SRGAP2C: variants seen among roughly 807,000 people sequenced by gnomAD.
The protein encoded by SRGAP2C is SLIT-ROBO Rho GTPase-activating protein 2C.
In SRGAP2C, 15 loss-of-function variants were observed where a neutral mutation model predicts 25.1. The ratio of observed to expected loss-of-function variants is 0.60; its 90% CI spans 0.40 to 0.92. SRGAP2C has a LOEUF of 0.92. Ranked by LOEUF, SRGAP2C falls within the 40% of genes least tolerant of loss-of-function variation. The probability of loss-of-function intolerance (pLI) is 0.00; values close to 1 mark genes in which losing one functional copy is unlikely to be tolerated. For missense variants in SRGAP2C, 144 were observed against 264.4 expected (o/e 0.54, Z 3.16); for synonymous variants, 44 against 96.6 (o/e 0.46, Z 3.19).
chr1:121,281,535 CCT>C (rs1313057546), intron 2 of SRGAP2C, among the ~76,000 whole-genome samples: 1 of 133,548 alleles, frequency 7.5e-6, no homozygotes, highest in East Asian at 2.2e-4. Context: ...ATTAACAGAG[CCT>C]CTTTTTTTTC....
chr1:121,192,216 C>A (rs1300236853), intron 2 of SRGAP2C, among the ~76,000 whole-genome samples: 2 of 150,306 alleles, frequency 1.3e-5, no homozygotes, highest in Non-Finnish European at 3.0e-5. Flanking sequence ...CTCCCATTCC[C>A]CAAGGGAGCT....
chr1:121,328,466 C>T (rs1658361645), intron 4 of SRGAP2C, among the ~76,000 whole-genome samples: 2 of 152,052 alleles, frequency 1.3e-5, no homozygotes, highest in Non-Finnish European at 2.9e-5. Context: ...CCTCTATGTG[C>T]CAGGTATCAT....
intron 2 of SRGAP2C, among the ~76,000 whole-genome samples, chr1:121,249,574 A>G (rs1397260816): frequency 4.9e-5 from 1 of 20,550 alleles, no homozygotes; most frequent in Non-Finnish European, 9.6e-5. Flanking sequence ...ATATATATAT[A>G]TATATATTTT....
intron 2 of SRGAP2C, among the ~76,000 whole-genome samples, chr1:121,256,164 T>TA (rs781931324): frequency 2.5e-4 from 35 of 137,472 alleles, no homozygotes; most frequent in Admixed American, 9.7e-4. Flanking sequence ...CTAGGGTGGT[T>TA]AAAAAAAAAT....
chr1:121,383,077 A>G (rs1445596309), intron 8 of SRGAP2C, among the ~76,000 whole-genome samples, 152 bp downstream of exon 8: 1 of 144,286 alleles, frequency 6.9e-6, no homozygotes, highest in Non-Finnish European at 1.5e-5. Flanking sequence ...TTGAGCAAAC[A>G]GTTAGTGAGT....
chr1:121,376,969 A>T (rs1659670959), intron 7 of SRGAP2C, among the ~76,000 whole-genome samples: 1 of 151,628 alleles, frequency 6.6e-6, no homozygotes, highest in Admixed American at 6.6e-5. Context: ...TTTTTCACCG[A>T]AATACTGATC....
chr1:121,207,202 C>A (rs1191334930), intron 2 of SRGAP2C, among the ~76,000 whole-genome samples: 75 of 152,138 alleles, frequency 4.9e-4, no homozygotes, highest in African/African-American at 1.3e-3. Context: ...CAGCTTCTTA[C>A]CTTTCACTTT....
chr1:121,345,824 T>G (rs1479551595), intron 4 of SRGAP2C, among the ~76,000 whole-genome samples: 1 of 146,984 alleles, frequency 6.8e-6, no homozygotes, highest in Non-Finnish European at 1.5e-5. Context: ...CTGATTTTTG[T>G]ATATTTAGTA....
chr1:121,226,045 T>G (rs587767411), intron 2 of SRGAP2C, among the ~76,000 whole-genome samples: 1 of 152,256 alleles, frequency 6.6e-6, no homozygotes, highest in Non-Finnish European at 1.5e-5. Context: ...TGAGATGGTA[T>G]TTCTTCAAAG....
intron 2 of SRGAP2C, among the ~76,000 whole-genome samples, chr1:121,234,994 T>G (rs1297490045): frequency 1.3e-5 from 2 of 150,448 alleles, no homozygotes; most frequent in Non-Finnish European, 3.0e-5. Context: ...CTTCCTTCAC[T>G]CTCTCTCTCT....
chr1:121,385,155 G>T (rs1242345207), intron 8 of SRGAP2C, among the ~76,000 whole-genome samples: 2 of 145,696 alleles, frequency 1.4e-5, no homozygotes, highest in African/African-American at 5.1e-5. Context: ...TTGAACTAGG[G>T]CCAAAGATTG....
At chr1:121,314,331 A>C (rs1439839436) in intron 3 of SRGAP2C, among the ~76,000 whole-genome samples, 1 of 150,116 alleles carries the variant, frequency 6.7e-6, no homozygotes, top group East Asian at 2.0e-4. Context: ...ATTCTTCTAA[A>C]CTTTTTTCAA....
At chr1:121,371,905 G>GA (rs1460444553) in intron 5 of SRGAP2C, among the ~76,000 whole-genome samples, 2 of 147,758 alleles carry the variant, frequency 1.4e-5, no homozygotes, top group African/African-American at 2.5e-5. Flanking sequence ...TGAAAAAAGA[G>GA]AAAAAAAAGA....
intron 2 of SRGAP2C, among the ~76,000 whole-genome samples, chr1:121,271,494 G>C (rs1198171886): frequency 6.6e-6 from 1 of 151,904 alleles, no homozygotes; most frequent in Non-Finnish European, 1.5e-5. Context: ...TGAAACTTAG[G>C]CCCTTTCTGA....
chr1:121,322,946 A>C (rs1658241920), intron 3 of SRGAP2C, among the ~76,000 whole-genome samples: 1 of 152,140 alleles, frequency 6.6e-6, no homozygotes, highest in African/African-American at 2.4e-5. Context: ...GGAAAGAAAC[A>C]GATAGTTATT....
At chr1:121,225,672 C>T (rs1297280551) in intron 2 of SRGAP2C, among the ~76,000 whole-genome samples, 1 of 146,062 alleles carries the variant, frequency 6.8e-6, no homozygotes, top group African/African-American at 2.6e-5. Context: ...ACCCTAAATG[C>T]TTATTATTTA....
chr1:121,365,097 C>G (rs1659288974), intron 4 of SRGAP2C, among the ~76,000 whole-genome samples, 196 bp from the exon 5 acceptor site: 1 of 87,378 alleles, frequency 1.1e-5, no homozygotes, highest in Admixed American at 1.3e-4. Flanking sequence ...TTGCTAGGCA[C>G]ATTTCATTTT....
At chr1:121,281,338 T>G (rs1657237703) in intron 2 of SRGAP2C, among the ~76,000 whole-genome samples, 1 of 151,850 alleles carries the variant, frequency 6.6e-6, no homozygotes. Flanking sequence ...TTTTCCTTCT[T>G]CCTTCTTCAT....
At chr1:121,210,174 G>A (rs1655215093) in intron 2 of SRGAP2C, among the ~76,000 whole-genome samples, 1 of 151,776 alleles carries the variant, frequency 6.6e-6, no homozygotes, top group Non-Finnish European at 1.5e-5. Context: ...AGAAATTGGA[G>A]GTCCTTCTCA....
Sources: allele counts gnomAD v4.1 joint callset (sites outside exome capture counted in the v4.1 genomes callset), GRCh38; gene constraint gnomAD v4.1.1; transcripts MANE v1.5; gene names NCBI Gene and HGNC (gene_info 2026-07-23, HGNC 2026-07-21).